The following TANC2 variants were observed in gnomAD, a reference collection of about 807,000 sequenced individuals.
TANC2 encodes tetratricopeptide repeat, ankyrin repeat and coiled-coil containing 2, also known as protein TANC2.
TANC2 carries 26 observed loss-of-function variants against 210.5 expected under a neutral mutation model. The observed-to-expected ratio is 0.12, with a 90% CI of 0.09 to 0.17. The LOEUF (loss-of-function observed/expected upper bound fraction) is 0.17. Ranked by LOEUF, TANC2 falls within the 10% of genes least tolerant of loss-of-function variation. The probability of loss-of-function intolerance (pLI) is 1.00; values close to 1 mark genes in which losing one functional copy is unlikely to be tolerated. For missense variants in TANC2, 2,129 were observed against 2,608.9 expected (o/e 0.82, Z 4.01); for synonymous variants, 931 against 967.1 (o/e 0.96, Z 0.69).
intron 11 of TANC2, among the ~76,000 whole-genome samples, chr17:63,328,427 T>G (rs1024419906): frequency 6.6e-6 from 1 of 151,106 alleles, no homozygotes; most frequent in Non-Finnish European, 1.5e-5. Context: ...GTGTGTGTGT[T>G]TGTATAATAG....
chr17:63,100,896 T>C (rs951314029), intron 4 of TANC2, among the ~76,000 whole-genome samples: 4 of 152,226 alleles, frequency 2.6e-5, no homozygotes, highest in African/African-American at 9.6e-5. Flanking sequence ...ATTAATGACA[T>C]GTATGAACTT....
At chr17:63,319,197 C>A in intron 11 of TANC2, 107 bp downstream of exon 11, 1 of 1,148,986 alleles carries the variant, frequency 8.7e-7, no homozygotes, top group Non-Finnish European at 1.2e-6. Context: ...TAAAGCTATA[C>A]CATGAGAACG....
At chr17:63,304,819 A>G (rs1411360350) in intron 9 of TANC2, among the ~76,000 whole-genome samples, 1 of 152,100 alleles carries the variant, frequency 6.6e-6, no homozygotes. Flanking sequence ...GCCCCGTGCA[A>G]TGAGGAGGGA....
At chr17:63,414,212 C>T (rs2048791618) in intron 25 of TANC2, 1 of 152,236 alleles carries the variant, frequency 6.6e-6, no homozygotes, top group Non-Finnish European at 1.5e-5. Context: ...TATTACATGT[C>T]AAAGTCATCG....
Position 63,302,469 on chromosome 17 carries a change from G to C in TANC2, c.1160-11919G>C, listed in dbSNP as rs187660777. On this transcript the variant is annotated intron_variant, in intron 9 of 27. Transcript: ENST00000689528. ...ATGAATCTGGATGCTCCTGTATTGG[G>C]TGCACATATATTTAGGATAGCTCTT... Among the ~76,000 whole-genome samples, 51 of 152,062 alleles carry C rather than the reference G, an allele frequency of 3.4e-4. No individual in the cohort carries two copies. The East Asian group carries it at 8.5e-3, about 25-fold the overall frequency.
At chr17:63,276,690 T>C (rs1026412271) in intron 9 of TANC2, among the ~76,000 whole-genome samples, 4 of 152,112 alleles carry the variant, frequency 2.6e-5, no homozygotes, top group African/African-American at 9.7e-5. Flanking sequence ...TCCCCCTTTT[T>C]TATCCCCACA....
chr17:63,360,203 TGA>T (rs2046917042), intron 14 of TANC2, among the ~76,000 whole-genome samples: 2 of 152,340 alleles, frequency 1.3e-5, no homozygotes, highest in East Asian at 3.9e-4. Flanking sequence ...AATCTAAATA[TGA>T]GCCTCCAGGC....
At chr17:63,079,284 T>A (rs1174991057) in intron 3 of TANC2, among the ~76,000 whole-genome samples, 3 of 152,186 alleles carry the variant, frequency 2.0e-5, no homozygotes, top group Non-Finnish European at 4.4e-5. Context: ...TCCTGGTGTG[T>A]AGCTCCAGGA....
chr17:63,271,330 T>G (rs1324954628), intron 9 of TANC2, among the ~76,000 whole-genome samples: 8 of 152,144 alleles, frequency 5.3e-5, no homozygotes, highest in Non-Finnish European at 1.2e-4. Context: ...CAACATCTGT[T>G]ATATTTTGGC....
chr17:63,012,458 A>G (rs1598249712), intron 2 of TANC2, among the ~76,000 whole-genome samples: 1 of 152,224 alleles, frequency 6.6e-6, no homozygotes, highest in East Asian at 1.9e-4. Context: ...TGATATGTTT[A>G]CCCTCTTCTT....
intron 14 of TANC2, among the ~76,000 whole-genome samples, chr17:63,369,765 G>A (rs983493210): frequency 1.3e-5 from 2 of 151,864 alleles, no homozygotes; most frequent in African/African-American, 4.8e-5. Context: ...ACCATGCCGG[G>A]CTAATTTTTG....
intron 7 of TANC2, among the ~76,000 whole-genome samples, chr17:63,215,029 A>C (rs1266123842): frequency 6.6e-6 from 1 of 152,216 alleles, no homozygotes; most frequent in Non-Finnish European, 1.5e-5. Flanking sequence ...TAGAGACCAT[A>C]ATGCATGCTC....
chr17:63,162,076 G>A (rs768496130), intron 5 of TANC2, among the ~76,000 whole-genome samples: 6 of 152,076 alleles, frequency 3.9e-5, no homozygotes, highest in Admixed American at 2.6e-4. Context: ...AGGCCAAGAC[G>A]GGAGGATCAT....
intron 1 of TANC2, among the ~76,000 whole-genome samples, chr17:63,002,657 A>G (rs2033440733): frequency 6.6e-6 from 1 of 152,200 alleles, no homozygotes; most frequent in Non-Finnish European, 1.5e-5. Context: ...GTTGATCCCC[A>G]TATCTACCCC....
chr17:63,266,871 A>T (rs932749576), intron 8 of TANC2, among the ~76,000 whole-genome samples: 1 of 152,036 alleles, frequency 6.6e-6, no homozygotes, highest in Non-Finnish European at 1.5e-5. Context: ...TTGTTGTTTG[A>T]AACAGGGTCT....
intron 14 of TANC2, among the ~76,000 whole-genome samples, chr17:63,379,353 C>T (rs1018451285): frequency 6.6e-6 from 1 of 152,006 alleles, no homozygotes; most frequent in Non-Finnish European, 1.5e-5. Context: ...CTGAAGAGTC[C>T]CCCAACCAAA....
chr17:63,409,956 A>G (rs1185840651), intron 21 of TANC2, among the ~76,000 whole-genome samples: 1 of 152,190 alleles, frequency 6.6e-6, no homozygotes, highest in Non-Finnish European at 1.5e-5. Flanking sequence ...TTTCTAATCC[A>G]AAAATGTGAA....
chr17:63,019,094 C>T (rs1303308874), intron 2 of TANC2, among the ~76,000 whole-genome samples: 1 of 152,162 alleles, frequency 6.6e-6, no homozygotes, highest in Non-Finnish European at 1.5e-5. Context: ...GTTTTAATTG[C>T]ATGTTAATTT....
Position 63,092,446 on chromosome 17 carries a change from A to G in TANC2, c.140-6729A>G, listed in dbSNP as rs1215806420. Among the ~76,000 whole-genome samples, 4 of 151,898 alleles carry G rather than the reference A, an allele frequency of 2.6e-5. No homozygotes were observed. The East Asian group carries it at 5.8e-4, about 22-fold the overall frequency. Reference sequence around the variant, plus strand: ...AGTAACTCCTAGTTTGAATTACTGTAATGATTAATGATGTTGAGCATCTGT... The same window carrying G: ...AGTAACTCCTAGTTTGAATTACTGTGATGATTAATGATGTTGAGCATCTGT... On this transcript the variant is annotated intron_variant, in intron 3 of 27. Transcript: ENST00000689528.
Sources: allele counts gnomAD v4.1 joint callset (sites outside exome capture counted in the v4.1 genomes callset), GRCh38; gene constraint gnomAD v4.1.1; transcripts MANE v1.5; gene names NCBI Gene and HGNC (gene_info 2026-07-23, HGNC 2026-07-21).